The following TP53I11 variants were observed in gnomAD, a reference collection of about 807,000 sequenced individuals.
The protein encoded by TP53I11 is tumor protein p53 inducible protein 11, also known as tumor protein p53-inducible protein 11.
In TP53I11, 9 loss-of-function variants were observed where a neutral mutation model predicts 23.3. The ratio of observed to expected loss-of-function variants is 0.39; its 90% CI spans 0.23 to 0.67. TP53I11 has a LOEUF of 0.67. Among genes scored for constraint, TP53I11 ranks in the 30% least tolerant of loss-of-function variants. The pLI is 0.48. For synonymous variants in TP53I11, 100 were observed against 106.1 expected (o/e 0.94, Z 0.35); for missense variants, 170 against 255.2 (o/e 0.67, Z 2.27).
At chr11:44,939,962 G>A (rs1331431000) in intron 1 of TP53I11, among the ~76,000 whole-genome samples, 3 of 152,306 alleles carry the variant, frequency 2.0e-5, no homozygotes, top group Non-Finnish European at 2.9e-5. Context: ...TTAATGCTTC[G>A]GTGTGTGCCA....
rs985976474 is a variant in TP53I11, at chr11:44,934,737, G to C, written c.*147C>G. On this transcript the variant is annotated 3_prime_UTR_variant, in exon 7 of 7. Transcript: ENST00000525680. Reference sequence around the variant, plus strand: ...TCACAGCACACGGGGTGCCCAGGAGGAAAGGAAGGCCCCCCACCCCCTGCC... The same window carrying C: ...TCACAGCACACGGGGTGCCCAGGAGCAAAGGAAGGCCCCCCACCCCCTGCC... 8 of 1,132,062 alleles carry C rather than the reference G, an allele frequency of 7.1e-6. No individual in the cohort carries two copies. The African/African-American group carries it at 1.3e-4, about 18-fold the overall frequency. The allele number at this position is 1,132,062 out of a possible 1,614,324, so 70.1% of individuals were successfully genotyped here. A position where few individuals can be genotyped will look rare whatever the true frequency, so the allele number is the denominator to read the frequency against.
chr11:44,944,666 C>T (rs1862217916), intron 1 of TP53I11, among the ~76,000 whole-genome samples: 1 of 152,162 alleles, frequency 6.6e-6, no homozygotes, highest in Non-Finnish European at 1.5e-5. Flanking sequence ...TGCTCTGTGA[C>T]CTCAGGAAAG....
At chr11:44,939,885 G>T (rs2135454016) in intron 1 of TP53I11, among the ~76,000 whole-genome samples, 1 of 152,338 alleles carries the variant, frequency 6.6e-6, no homozygotes, top group East Asian at 1.9e-4. Flanking sequence ...GCCCCATGGT[G>T]AAAGGAGACA....
chr11:44,938,953 C>T (rs888208691), intron 1 of TP53I11, among the ~76,000 whole-genome samples: 2 of 152,100 alleles, frequency 1.3e-5, no homozygotes, highest in East Asian at 1.9e-4. Flanking sequence ...GGGGTGTTGA[C>T]GGGGACACTA....
At chr11:44,946,778 T>C in intron 1 of TP53I11, among the ~76,000 whole-genome samples, 1 of 152,070 alleles carries the variant, frequency 6.6e-6, no homozygotes, top group East Asian at 1.9e-4. Context: ...TCAGTTTCTT[T>C]GTCTAAGAAA....
Position 44,932,459 on chromosome 11 carries a change from G to C in TP53I11, c.*2425C>G, listed in dbSNP as rs1860629401. On this transcript the variant is annotated 3_prime_UTR_variant, in exon 7 of 7. Coordinates refer to ENST00000525680, the MANE Select transcript of TP53I11 (RefSeq NM_006034.5). ...CTTGATTTGGGGTTGGGGATAGACT[G>C]GGGCGAGGCAGAAGCTTGACAAGAG... is the stretch of plus-strand genomic sequence containing the variant. 1 of 152,340 alleles carries C rather than the reference G, an allele frequency of 6.6e-6. No homozygotes were observed. The highest frequency in any genetic ancestry group is 2.4e-5 in the African/African-American group (1 of 41,454). The allele number at this position is 152,340 out of a possible 1,614,324, so 9.4% of individuals were successfully genotyped here. A position where few individuals can be genotyped will look rare whatever the true frequency, so the allele number is the denominator to read the frequency against.
At position 44,937,308 on chromosome 11, in the gene TP53I11, A is replaced by G; in HGVS notation, c.233T>C (p.Ile78Thr). 2 of 1,507,112 alleles carry G rather than the reference A, an allele frequency of 1.3e-6. No individual in the cohort carries two copies. The highest frequency in any genetic ancestry group is 8.9e-7 in the Non-Finnish European group (1 of 1,129,118). The allele number at this position is 1,507,112 out of a possible 1,614,324, so 93.4% of individuals were successfully genotyped here. ...VSAVLFSGIA[I>T]MALAFPDQLY... is the part of the protein sequence containing the mutation. ...GGGCTGGGGGTGGGGGCTCACCATG[A>G]TGGCAATGCCGGAGAAGAGCACAGC... The change falls in exon 4 of 7, where the codon ATC becomes ACC. Residue 78 changes from isoleucine to threonine, a missense_variant. Ile to Thr is a moderately conservative substitution (Grantham distance 89). Transcript: ENST00000525680.
rs770628686 is a variant in TP53I11 at position 44,936,922 on chromosome 11, A to G, written c.238-23T>C. 3.8e-6 allele frequency: 6 copies of G among 1,563,754 alleles called. No individual in the cohort carries two copies. The East Asian group carries it at 1.4e-4, about 36-fold the overall frequency. On this transcript the variant is annotated intron_variant, in intron 4 of 6. Transcript: ENST00000525680. The surrounding 1 kb of genome is among the most constrained non-coding windows in gnomAD (Gnocchi z 4.4). ...CGCCTGCGGGCAGCGAGAGGGGCTCAGAGGTCCCGCTTGGGAGAGGGTGGG... is the reference window on the plus strand; with the variant it reads ...CGCCTGCGGGCAGCGAGAGGGGCTCGGAGGTCCCGCTTGGGAGAGGGTGGG...
chr11:44,936,694 C>T lies in TP53I11; in HGVS notation c.334+109G>A, dbSNP rs1270198377. On this transcript the variant is annotated intron_variant, in intron 5 of 6. Transcript: ENST00000525680. This position sits in a 1 kb window ranked among gnomAD's most constrained non-coding sequence, Gnocchi z 4.4. ...GCCGGGGTGTGGGCGCAGCATCTGG[C>T]CGAAGAAAGGAAGGGGTGCCCGGGC... is the stretch of plus-strand genomic sequence containing the variant. 7 of 1,365,308 alleles carry T rather than the reference C, an allele frequency of 5.1e-6. No individual in the cohort carries two copies. Among genetic ancestry groups the T allele is most frequent in the Non-Finnish European group, 4.7e-6 (5 of 1,053,920 alleles). The allele number at this position is 1,365,308 out of a possible 1,614,324, so 84.6% of individuals were successfully genotyped here.
At position 44,936,915 on chromosome 11, in the gene TP53I11, G is replaced by A. The variant is rs1470818713; in HGVS notation, c.238-16C>T. On this transcript the variant is annotated splice_polypyrimidine_tract_variant and intron_variant, in intron 4 of 6. Coordinates refer to ENST00000525680, the MANE Select transcript of TP53I11 (RefSeq NM_006034.5). This position sits in a 1 kb window ranked among gnomAD's most constrained non-coding sequence, Gnocchi z 4.4. ...AGGCAAGCGCCTGCGGGCAGCGAGAGGGGCTCAGAGGTCCCGCTTGGGAGA... is the reference window on the plus strand; with the variant it reads ...AGGCAAGCGCCTGCGGGCAGCGAGAAGGGCTCAGAGGTCCCGCTTGGGAGA... 48 of 1,579,314 alleles carry A rather than the reference G, an allele frequency of 3.0e-5. No homozygotes were observed. The highest frequency in any genetic ancestry group is 4.1e-5 in the Non-Finnish European group (48 of 1,161,562).
At chr11:44,947,515 C>A (rs1279904424) in intron 1 of TP53I11, among the ~76,000 whole-genome samples, 1 of 152,200 alleles carries the variant, frequency 6.6e-6, no homozygotes. Context: ...CGAAGGGATG[C>A]TCCACATTTT....
rs1861149921 is a variant in TP53I11, at chr11:44,936,675, G to A, written c.334+128C>T. Reference sequence around the variant, plus strand: ...GCAGAGAGCTTCATCAGAGGCCGGGGTGTGGGCGCAGCATCTGGCCGAAGA... The same window carrying A: ...GCAGAGAGCTTCATCAGAGGCCGGGATGTGGGCGCAGCATCTGGCCGAAGA... On this transcript the variant is annotated intron_variant, in intron 5 of 6. Transcript: ENST00000525680. This position sits in a 1 kb window ranked among gnomAD's most constrained non-coding sequence, Gnocchi z 4.4. The A allele has an allele frequency of 2.2e-6, 3 of 1,372,020 alleles. No homozygotes were observed. In the South Asian group the frequency reaches 5.1e-5, roughly 23 times the overall value. 85.0% of individuals were successfully genotyped at this position (1,372,020 alleles called of 1,614,324 possible).
At chr11:44,939,789 AG>A (rs1324038871) in intron 1 of TP53I11, among the ~76,000 whole-genome samples, 1 of 152,232 alleles carries the variant, frequency 6.6e-6, no homozygotes, top group Non-Finnish European at 1.5e-5. Context: ...TGTCATTTCC[AG>A]GCCAAACTAC....
rs1860782795 is a variant in TP53I11 at position 44,933,644 on chromosome 11, G to C, written c.*1240C>G. On this transcript the variant is annotated 3_prime_UTR_variant, in exon 7 of 7. Transcript: ENST00000525680. ...TGCAGCACAGGCTGGTGGGCCCTCAGAGGCAGGGCAGGGGCTGTTCGGCCC... is the reference window on the plus strand; with the variant it reads ...TGCAGCACAGGCTGGTGGGCCCTCACAGGCAGGGCAGGGGCTGTTCGGCCC... 1 of 154,382 alleles carries C rather than the reference G, an allele frequency of 6.5e-6. No homozygotes were observed. The highest frequency in any genetic ancestry group is 2.4e-5 in the African/African-American group (1 of 41,470). 9.6% of individuals were successfully genotyped at this position (154,382 alleles called of 1,614,324 possible). A position where few individuals can be genotyped will look rare whatever the true frequency, so the allele number is the denominator to read the frequency against.
intron 1 of TP53I11, among the ~76,000 whole-genome samples, chr11:44,946,835 GC>G (rs1862432898): frequency 6.6e-6 from 1 of 152,146 alleles, no homozygotes; most frequent in African/African-American, 2.4e-5. Context: ...CCTCACAGCG[GC>G]CACACTCCAG....
intron 1 of TP53I11, among the ~76,000 whole-genome samples, chr11:44,945,708 G>C (rs1189012981): frequency 6.6e-6 from 1 of 152,128 alleles, no homozygotes. Context: ...CTGGAAATGG[G>C]GTCTGGGACA....
intron 1 of TP53I11, among the ~76,000 whole-genome samples, chr11:44,943,768 T>A (rs2135489668): frequency 6.6e-6 from 1 of 152,252 alleles, no homozygotes; most frequent in East Asian, 1.9e-4. Flanking sequence ...GCAGTTTGAC[T>A]CCCCAAGACC....
At chr11:44,943,342 C>T (rs557824395) in intron 1 of TP53I11, among the ~76,000 whole-genome samples, 27 of 152,224 alleles carry the variant, frequency 1.8e-4, no homozygotes, top group African/African-American at 6.0e-4. Context: ...GAAGGGCCCC[C>T]GGGGGTTTCC....
In TP53I11 at chr11:44,934,877, C is replaced by T. The variant is rs530791278; in HGVS notation, c.*7G>A. 135 of 1,613,860 alleles carry T rather than the reference C, an allele frequency of 8.4e-5. No homozygotes were observed. The Admixed American group carries it at 2.0e-3, about 23-fold the overall frequency. ...GGCATGGGCAGGGCCCCAGGCCCAG[C>T]GGGCAACTAGGCCTTCTTGGGTCTT... is the stretch of plus-strand genomic sequence containing the variant. On this transcript the variant is annotated 3_prime_UTR_variant, in exon 7 of 7. Coordinates refer to ENST00000525680, the MANE Select transcript of TP53I11 (RefSeq NM_006034.5).
Sources: allele counts gnomAD v4.1 joint callset (sites outside exome capture counted in the v4.1 genomes callset), GRCh38; gene constraint gnomAD v4.1.1; non-coding constraint Gnocchi (gnomAD v3.1); transcripts MANE v1.5; gene names NCBI Gene and HGNC (gene_info 2026-07-23, HGNC 2026-07-21).